HSF1: variants seen among roughly 807,000 people sequenced by gnomAD.
HSF1 encodes the protein heat shock transcription factor 1.
In HSF1, 32 loss-of-function variants were observed where a neutral mutation model predicts 51.7. That is an observed-to-expected ratio of 0.62 (90% CI 0.47 to 0.83). HSF1 has a LOEUF of 0.83. HSF1 is among the 40% of genes least tolerant of loss of function. HSF1 has a pLI of 0.00. For missense variants in HSF1, 727 were observed against 717.0 expected (o/e 1.01, Z -0.16); for synonymous variants, 396 against 309.7 (o/e 1.28, Z -2.92).
At chr8:144,303,567 G>T (rs911828869) in intron 1 of HSF1, among the ~76,000 whole-genome samples, 27 of 151,150 alleles carry the variant, frequency 1.8e-4, no homozygotes, top group Non-Finnish European at 3.2e-4. Flanking sequence ...TAGAAAGCCT[G>T]AACTGTATTT....
intron 1 of HSF1, among the ~76,000 whole-genome samples, chr8:144,305,987 C>T (rs1422467252): frequency 6.6e-6 from 1 of 152,018 alleles, no homozygotes; most frequent in East Asian, 1.9e-4. Context: ...CTGCCTTGGC[C>T]TCCCAAACTG....
chr8:144,312,499 C>A, intron 9 of HSF1: 2 of 872,294 alleles, frequency 2.3e-6, no homozygotes, highest in South Asian at 1.5e-5. Context: ...CTGCCGCCAC[C>A]CTCGCCACAG....
chr8:144,309,236 G>A (rs1476505982), intron 2 of HSF1: 31 of 673,402 alleles, frequency 4.6e-5, no homozygotes, highest in African/African-American at 1.3e-4. Flanking sequence ...CCGTGAAGCC[G>A]GAGCTGTACT....
chr8:144,312,493 C>T (rs1031172576), intron 9 of HSF1: 31 of 825,774 alleles, frequency 3.8e-5, no homozygotes, highest in Admixed American at 6.4e-5. Context: ...GTCCTGCTGC[C>T]GCCACCCTCG....
intron 1 of HSF1, among the ~76,000 whole-genome samples, chr8:144,302,200 A>G (rs1169729029): frequency 2.0e-5 from 3 of 151,124 alleles, no homozygotes; most frequent in East Asian, 2.0e-4. Context: ...ACTCAGGAAG[A>G]CAACCATTTA....
chr8:144,311,631 G>C, intron 7 of HSF1, 30 bp downstream of exon 7: 1 of 1,612,540 alleles, frequency 6.2e-7, no homozygotes, highest in Non-Finnish European at 8.5e-7. Context: ...CACCCGCCCA[G>C]GCATGCAGGC....
chr8:144,295,127 C>G (rs980747805), intron 1 of HSF1, among the ~76,000 whole-genome samples: 1 of 152,222 alleles, frequency 6.6e-6, no homozygotes, highest in East Asian at 1.9e-4. Flanking sequence ...CCAGCTTCCT[C>G]GTCTGCATGC....
intron 1 of HSF1, among the ~76,000 whole-genome samples, chr8:144,303,804 G>A (rs1554842802): frequency 6.6e-6 from 1 of 152,208 alleles, no homozygotes. Flanking sequence ...CTTGAACCCA[G>A]GAGGCGGAGG....
intron 4 of HSF1, chr8:144,310,916 C>A (rs1228014049): frequency 3.7e-6 from 2 of 543,018 alleles, no homozygotes; most frequent in South Asian, 2.1e-5. Context: ...GATCCGGGTG[C>A]ACCTGGCTCG....
At position 144,309,865 on chromosome 8, in the gene HSF1, T is replaced by C. The variant is rs782506952; in HGVS notation, c.457T>C (p.Cys153Arg). The C allele has an allele frequency of 1.2e-6, 2 of 1,612,564 alleles. No homozygotes were observed. The highest frequency in any genetic ancestry group is 1.7e-6 in the Non-Finnish European group (2 of 1,179,654). ...GCAGCTGATGAAGGGGAAGCAGGAG[T>C]GCATGGACTCCAAGCTCCTGGCCAT... is the stretch of plus-strand genomic sequence containing the variant. ...DVQLMKGKQE[C>R]MDSKLLAMKH... Residue 153 changes from cysteine to arginine, a missense_variant, in exon 4 of 13, where the codon TGC (cysteine) becomes CGC (arginine). Around this residue, in one of 2 missense-constraint regions of HSF1, gnomAD observed 257 missense variants for 318.3 expected, o/e 0.81. Coordinates refer to ENST00000528838, the MANE Select transcript of HSF1 (RefSeq NM_005526.4).
rs979533726 is a variant in HSF1, at chr8:144,312,029, G to A, written c.927G>A (p.Arg309=). 2.5e-6 allele frequency: 4 copies of A among 1,608,552 alleles called. No individual in the cohort carries two copies. Among genetic ancestry groups the A allele is most frequent in the Non-Finnish European group, 3.4e-6 (4 of 1,177,258 alleles). The change falls in exon 9 of 13, where the codon CGG becomes CGA. Residue 309 remains arginine, a synonymous_variant. Transcript: ENST00000528838. ...CCCCCAGCCCGCCTCAGAGCCCCCG[G>A]GTAGAGGAGGCGAGTCCCGGGCGCC... ...EEPPSPPQSP[R]VEEASPGRPS...
chr8:144,303,080 C>T (rs1158443279), intron 1 of HSF1, among the ~76,000 whole-genome samples: 1 of 152,052 alleles, frequency 6.6e-6, no homozygotes, highest in African/African-American at 2.4e-5. Flanking sequence ...TGAAATTCAG[C>T]ATTTACCACA....
chr8:144,311,792 T>C lies in HSF1; in HGVS notation c.816T>C (p.Ala272=). 1.2e-6 allele frequency: 2 copies of C among 1,612,212 alleles called. No homozygotes were observed. Among genetic ancestry groups the C allele is most frequent in the Non-Finnish European group, 1.7e-6 (2 of 1,179,608 alleles). Reference sequence around the variant, plus strand: ...TCATCTCCGACATCACCGAGCTGGCTCCTGCCAGCCCCATGGCCTCCCCCG... The same window carrying C: ...TCATCTCCGACATCACCGAGCTGGCCCCTGCCAGCCCCATGGCCTCCCCCG... The part of the protein sequence containing the change: ...GPIISDITEL[A]PASPMASPGG... The change falls in exon 8 of 13, where the codon GCT becomes GCC. Residue 272 remains alanine, a synonymous_variant. Transcript: ENST00000528838.
rs1817089044 is a variant in HSF1 at position 144,314,461 on chromosome 8, C to T, written c.*131C>T. The stretch of plus-strand genomic sequence containing the variant: ...CCATAGCCCCAGTAGGACAAACGGG[C>T]TCGGGTCTGGGCAGCACCTCTGGTC... On this transcript the variant is annotated 3_prime_UTR_variant, in exon 13 of 13. Coordinates refer to ENST00000528838, the MANE Select transcript of HSF1 (RefSeq NM_005526.4). 1.3e-6 allele frequency: 1 copy of T among 748,742 alleles called. No homozygotes were observed. The highest frequency in any genetic ancestry group is 2.2e-6 in the Non-Finnish European group (1 of 454,804). 46.4% of individuals were successfully genotyped at this position (748,742 alleles called of 1,614,324 possible). A position where few individuals can be genotyped will look rare whatever the true frequency, so the allele number is the denominator to read the frequency against.
At position 144,312,237 on chromosome 8, in the gene HSF1, C is replaced by T. The variant is rs1554845062; in HGVS notation, c.1135C>T (p.Leu379=). 3.2e-6 allele frequency: 5 copies of T among 1,585,220 alleles called. No homozygotes were observed. Among genetic ancestry groups the T allele is most frequent in the Non-Finnish European group, 4.3e-6 (5 of 1,166,376 alleles). ...TPEKCLSVAC[L]DKNELSDHLD... Reference sequence around the variant, plus strand: ...TGAAAAGTGCCTCAGCGTAGCCTGCCTGGACAAGTGAGTGCCGCCCACCCC... The same window carrying T: ...TGAAAAGTGCCTCAGCGTAGCCTGCTTGGACAAGTGAGTGCCGCCCACCCC... Residue 379 remains leucine, a synonymous_variant, in exon 9 of 13, where the codon CTG becomes TTG. Coordinates refer to ENST00000528838, the MANE Select transcript of HSF1 (RefSeq NM_005526.4).
chr8:144,312,540 GAC>G, intron 9 of HSF1: 1 of 1,215,458 alleles, frequency 8.2e-7, no homozygotes, highest in Non-Finnish European at 1.2e-6. Context: ...GTGCTGCCCA[GAC>G]ACATGGCAGG....
chr8:144,311,849 T>A lies in HSF1; in HGVS notation c.860+13T>A, dbSNP rs782468155. The stretch of plus-strand genomic sequence containing the variant: ...GCATAGACGAGAGGTGGGGGCCGCA[T>A]CACCCCAGCCATCCTGTCCCCCAAT... On this transcript the variant is annotated intron_variant, in intron 8 of 12. Coordinates refer to ENST00000528838, the MANE Select transcript of HSF1 (RefSeq NM_005526.4). 2 of 1,595,620 alleles carry A rather than the reference T, an allele frequency of 1.3e-6. No homozygotes were observed. Among genetic ancestry groups the A allele is most frequent in the Admixed American group, 1.7e-5 (1 of 58,488 alleles).
chr8:144,311,945 G>A lies in HSF1; in HGVS notation c.861-18G>A. On this transcript the variant is annotated intron_variant, in intron 8 of 12. Coordinates refer to ENST00000528838, the MANE Select transcript of HSF1 (RefSeq NM_005526.4). The stretch of plus-strand genomic sequence containing the variant: ...GGCTGGCCGAGACGCCAGCTCACCT[G>A]GCCCCCCTCGTGTGCAGGCCCCTAT... 1 of 1,579,864 alleles carries A rather than the reference G, an allele frequency of 6.3e-7. No individual in the cohort carries two copies. The highest frequency in any genetic ancestry group is 8.6e-7 in the Non-Finnish European group (1 of 1,163,292).
At chr8:144,312,529 C>G (rs1323460976) in intron 9 of HSF1, 3 of 1,101,604 alleles carry the variant, frequency 2.7e-6, no homozygotes, top group East Asian at 2.6e-5. Flanking sequence ...CCTGGCAGGT[C>G]GTGCTGCCCA....
Sources: allele counts gnomAD v4.1 joint callset (sites outside exome capture counted in the v4.1 genomes callset), GRCh38; gene constraint gnomAD v4.1.1; regional missense constraint gnomAD v4.1.1; transcripts MANE v1.5; gene names NCBI Gene and HGNC (gene_info 2026-07-23, HGNC 2026-07-21).